GNAO1: variants seen among roughly 807,000 people sequenced by gnomAD.
GNAO1 encodes guanine nucleotide-binding protein G(o) subunit alpha.
For synonymous variants in GNAO1, 164 were observed against 180.7 expected (o/e 0.91, Z 0.74); for missense variants, 166 against 478.7 (o/e 0.35, Z 6.10).
At chr16:56,288,812 G>C (rs2037199517) in intron 3 of GNAO1, among the ~76,000 whole-genome samples, 1 of 152,176 alleles carries the variant, frequency 6.6e-6, no homozygotes, top group East Asian at 1.9e-4. Flanking sequence ...CTCACAGAAA[G>C]ACCAGCCCCT....
chr16:56,303,951 C>T (rs1407249187), intron 3 of GNAO1, among the ~76,000 whole-genome samples: 3 of 152,186 alleles, frequency 2.0e-5, no homozygotes, highest in Admixed American at 2.0e-4. Context: ...AGCAGAACAC[C>T]TATCTTGCAC....
At chr16:56,342,299 T>C (rs1178124648) in intron 6 of GNAO1, among the ~76,000 whole-genome samples, 1 of 152,156 alleles carries the variant, frequency 6.6e-6, no homozygotes, top group Non-Finnish European at 1.5e-5. Context: ...CCAGCCCAGA[T>C]TGAGCAAAGA....
chr16:56,204,782 CAAG>C (rs1299480385), intron 2 of GNAO1, among the ~76,000 whole-genome samples: 19 of 152,262 alleles, frequency 1.2e-4, no homozygotes, highest in Non-Finnish European at 1.5e-5. Flanking sequence ...GACTGGGAGT[CAAG>C]AACCCAAGTT....
chr16:56,305,570 G>A (rs1255904661), intron 3 of GNAO1, among the ~76,000 whole-genome samples: 2 of 152,144 alleles, frequency 1.3e-5, no homozygotes, highest in Non-Finnish European at 2.9e-5. Flanking sequence ...AGGGATGGGC[G>A]GAGGGCAGTG....
At chr16:56,266,742 C>A (rs115667631) in intron 2 of GNAO1, among the ~76,000 whole-genome samples, 3,075 of 152,268 alleles carry the variant, frequency 0.02, 86 homozygotes, top group South Asian at 0.1. Flanking sequence ...AGATCATTGT[C>A]CCCATTTTAC....
At chr16:56,296,522 A>C (rs143608112) in intron 3 of GNAO1, among the ~76,000 whole-genome samples, 1 of 152,236 alleles carries the variant, frequency 6.6e-6, no homozygotes, top group Non-Finnish European at 1.5e-5. Context: ...GAGGATCTTA[A>C]GCGGCGTGTC....
chr16:56,279,364 A>G (rs1274487292), intron 3 of GNAO1, among the ~76,000 whole-genome samples: 1 of 152,162 alleles, frequency 6.6e-6, no homozygotes, highest in Admixed American at 6.5e-5. Flanking sequence ...TGAACCTGAA[A>G]GAGCCTCCGT....
chr16:56,265,109 C>A (rs2036939779), intron 2 of GNAO1, among the ~76,000 whole-genome samples: 1 of 152,242 alleles, frequency 6.6e-6, no homozygotes, highest in African/African-American at 2.4e-5. Flanking sequence ...CGTGGTCAGA[C>A]AAGCCCCCCA....
chr16:56,256,547 T>C (rs2036848574), intron 2 of GNAO1, among the ~76,000 whole-genome samples: 1 of 152,178 alleles, frequency 6.6e-6, no homozygotes, highest in African/African-American at 2.4e-5. Flanking sequence ...CCCAAAGGCC[T>C]CAGCAGTTCT....
chr16:56,228,227 G>A (rs2036552058), intron 2 of GNAO1, among the ~76,000 whole-genome samples: 1 of 152,154 alleles, frequency 6.6e-6, no homozygotes, highest in Admixed American at 6.5e-5. Flanking sequence ...GGCTTCCCCA[G>A]GCTTAGCCAG....
At chr16:56,345,550 G>A (rs957491740) in intron 6 of GNAO1, 4 of 906,058 alleles carry the variant, frequency 4.4e-6, no homozygotes, top group South Asian at 5.3e-5. Context: ...CCAAATGCCT[G>A]CAGGGACCGG....
intron 2 of GNAO1, among the ~76,000 whole-genome samples, chr16:56,273,573 G>A (rs2037036594): frequency 6.6e-6 from 1 of 152,212 alleles, no homozygotes; most frequent in South Asian, 2.1e-4. Context: ...GGAATTATTT[G>A]TGTGATGCTG....
intron 6 of GNAO1, chr16:56,341,113 C>A (rs1208410737): frequency 1.4e-6 from 1 of 739,802 alleles, no homozygotes. Context: ...CAAACGGTCC[C>A]CCACCCTGCC....
intron 2 of GNAO1, among the ~76,000 whole-genome samples, chr16:56,232,407 T>G (rs1316989589): frequency 2.0e-5 from 3 of 152,204 alleles, no homozygotes; most frequent in Non-Finnish European, 2.9e-5. Context: ...TTTAAACTTG[T>G]GTTCTATACC....
intron 1 of GNAO1, 34 bp downstream of exon 1, chr16:56,192,387 C>T (rs1567431879): frequency 7.9e-7 from 1 of 1,262,234 alleles, no homozygotes; most frequent in South Asian, 1.2e-5. Flanking sequence ...CATCCCCCGA[C>T]CCCGGCCACT....
chr16:56,341,897 C>G (rs1170818933), intron 6 of GNAO1, among the ~76,000 whole-genome samples: 1 of 152,248 alleles, frequency 6.6e-6, no homozygotes, highest in Non-Finnish European at 1.5e-5. Context: ...CCGACCTGCC[C>G]TGAGGCCTTG....
chr16:56,193,936 G>A (rs1339891780), intron 2 of GNAO1: 10 of 361,120 alleles, frequency 2.8e-5, no homozygotes, highest in Admixed American at 1.5e-4. Flanking sequence ...CACAATAGCC[G>A]AAATAATTGC....
chr16:56,336,903 G>T, intron 6 of GNAO1, 43 bp downstream of exon 6: 3 of 1,573,044 alleles, frequency 1.9e-6, no homozygotes, highest in South Asian at 1.1e-5. Flanking sequence ...GCGCTGAGGA[G>T]ACGGCCGCAG....
chr16:56,271,485 G>A (rs1380135018), intron 2 of GNAO1, among the ~76,000 whole-genome samples: 1 of 152,110 alleles, frequency 6.6e-6, no homozygotes, highest in African/African-American at 2.4e-5. Context: ...ACAGAGTCTC[G>A]CTCTGTCGCC....
Sources: allele counts gnomAD v4.1 joint callset (sites outside exome capture counted in the v4.1 genomes callset), GRCh38; gene constraint gnomAD v4.1.1; transcripts MANE v1.5; gene names NCBI Gene and HGNC (gene_info 2026-07-23, HGNC 2026-07-21).